Variants in GALK2 observed in about 807,000 individuals in gnomAD.
GALK2 encodes the protein galactokinase 2.
A neutral mutation model predicts 52.4 loss-of-function variants in GALK2; 36 were observed. The ratio of observed to expected loss-of-function variants is 0.69; its 90% CI spans 0.53 to 0.91. GALK2 has a LOEUF of 0.91. Among genes scored for constraint, GALK2 ranks in the 40% least tolerant of loss-of-function variants. The probability of loss-of-function intolerance (pLI) is 0.00; values close to 1 mark genes in which losing one functional copy is unlikely to be tolerated. For missense variants in GALK2, 579 were observed against 559.1 expected (o/e 1.04, Z -0.36); for synonymous variants, 176 against 199.1 (o/e 0.88, Z 0.98).
chr15:49,171,381 C>T (rs530048098), intron 1 of GALK2, among the ~76,000 whole-genome samples: 17 of 152,072 alleles, frequency 1.1e-4, no homozygotes, highest in African/African-American at 4.1e-4. Context: ...CGCGCCCGGC[C>T]CTCTGCCTTT....
intron 8 of GALK2, among the ~76,000 whole-genome samples, chr15:49,295,585 C>T (rs1173376240): frequency 6.6e-6 from 1 of 152,100 alleles, no homozygotes; most frequent in Non-Finnish European, 1.5e-5. Context: ...TTACCATTAC[C>T]TAATTGCCTG....
At chr15:49,243,046 C>T (rs945777377) in intron 5 of GALK2, among the ~76,000 whole-genome samples, 3 of 152,074 alleles carry the variant, frequency 2.0e-5, no homozygotes, top group Non-Finnish European at 4.4e-5. Flanking sequence ...CAAGTGCCTG[C>T]GGAGGGAGTT....
At chr15:49,174,731 ATATT>A (rs1416581253) in intron 1 of GALK2, among the ~76,000 whole-genome samples, 2 of 152,080 alleles carry the variant, frequency 1.3e-5, no homozygotes, top group Non-Finnish European at 2.9e-5. Context: ...TATTCTATAT[ATATT>A]ATAAATATAG....
chr15:49,213,688 T>C (rs2089129902), intron 2 of GALK2, among the ~76,000 whole-genome samples: 1 of 152,240 alleles, frequency 6.6e-6, no homozygotes, highest in African/African-American at 2.4e-5. Flanking sequence ...TTCGATGTTA[T>C]AGTTATAAGG....
At chr15:49,305,614 C>T (rs1443827649) in intron 8 of GALK2, among the ~76,000 whole-genome samples, 1 of 152,038 alleles carries the variant, frequency 6.6e-6, no homozygotes, top group East Asian at 1.9e-4. Context: ...TAAAATGTTC[C>T]AAGAAGAAGC....
rs1448758088 is a variant in GALK2 at position 49,329,343 on chromosome 15, G to A, written c.*1184G>A. The stretch of plus-strand genomic sequence containing the variant: ...ACTTTCTGAATTATGTAATGATTTG[G>A]ACCAAAAAGTATTTTGCTGAAATAC... On this transcript the variant is annotated 3_prime_UTR_variant, in exon 10 of 10. Transcript: ENST00000560031. 12 of 985,154 alleles carry A rather than the reference G, an allele frequency of 1.2e-5. No individual in the cohort carries two copies. The highest frequency in any genetic ancestry group is 1.4e-5 in the Non-Finnish European group (12 of 829,892). The allele number at this position is 985,154 out of a possible 1,614,324, so 61.0% of individuals were successfully genotyped here.
At chr15:49,183,334 A>G (rs2086111155) in intron 1 of GALK2, among the ~76,000 whole-genome samples, 1 of 152,110 alleles carries the variant, frequency 6.6e-6, no homozygotes. Context: ...CCATCACTGT[A>G]ACCCAAAGGT....
At chr15:49,333,152 AT>A (rs1205293390), downstream of GALK2, among the ~76,000 whole-genome samples, 1 of 152,124 alleles carries the variant, frequency 6.6e-6, no homozygotes, top group East Asian at 1.9e-4. Flanking sequence ...TTTAAAAAAA[AT>A]TAAGTTTTAT....
chr15:49,312,801 G>A (rs994818357), intron 8 of GALK2, among the ~76,000 whole-genome samples: 4 of 152,132 alleles, frequency 2.6e-5, no homozygotes, highest in African/African-American at 9.7e-5. Flanking sequence ...ACATATGTCT[G>A]GGGAACAGAA....
exon 4 of GALK2, chr15:49,367,612 T>G: frequency 6.5e-7 from 1 of 1,540,548 alleles, no homozygotes; most frequent in Non-Finnish European, 8.6e-7. Flanking sequence ...AGTGCGACTG[T>G]AAGAGGAAGA....
chr15:49,267,050 A>G (rs2092386210), intron 5 of GALK2, among the ~76,000 whole-genome samples: 1 of 152,174 alleles, frequency 6.6e-6, no homozygotes, highest in African/African-American at 2.4e-5. Context: ...AAAGGGGTAA[A>G]GGGTGTTAAA....
intron 1 of GALK2, among the ~76,000 whole-genome samples, chr15:49,193,314 A>G (rs7497335): frequency 0.25 from 38,017 of 150,474 alleles, 5,935 homozygotes; most frequent in Non-Finnish European, 0.35. Context: ...TACCTTTTAC[A>G]CATTTTTCTA....
chr15:49,335,610 G>A (rs1032122346), downstream of GALK2: 12 of 665,242 alleles, frequency 1.8e-5, 1 homozygote, highest in African/African-American at 1.8e-4. Flanking sequence ...CAGTAATGAA[G>A]AGTCTCAAGT....
intron 5 of GALK2, among the ~76,000 whole-genome samples, chr15:49,280,688 T>A (rs2032559812): frequency 6.6e-6 from 1 of 152,082 alleles, no homozygotes; most frequent in Non-Finnish European, 1.5e-5. Context: ...GAATAAAGTC[T>A]TACAATAAAT....
Position 49,187,790 on chromosome 15 carries a change from C to CT in GALK2, c.54-13370dup, listed in dbSNP as rs1441991487. ...GTTTACCCAAGGGCTCTTCTGTCAG[C>CT]TTGTAGTACATGCTCCTGGGCCTGG... On this transcript the variant is annotated intron_variant, in intron 1 of 9. Coordinates refer to ENST00000560031, the MANE Select transcript of GALK2 (RefSeq NM_002044.4). Among the ~76,000 whole-genome samples, 5 of 152,212 alleles carry CT rather than the reference C, an allele frequency of 3.3e-5. No homozygotes were observed. The East Asian group carries it at 9.7e-4, about 29-fold the overall frequency.
chr15:49,271,093 A>G (rs1252667442), intron 5 of GALK2, among the ~76,000 whole-genome samples: 1 of 152,112 alleles, frequency 6.6e-6, no homozygotes, highest in Non-Finnish European at 1.5e-5. Flanking sequence ...CCCATCCATT[A>G]TTATCATTAT....
intron 5 of GALK2, among the ~76,000 whole-genome samples, chr15:49,266,116 T>C (rs2092351642): frequency 6.6e-6 from 1 of 152,178 alleles, no homozygotes; most frequent in Non-Finnish European, 1.5e-5. Flanking sequence ...TGGCTGGCTG[T>C]CAGCCGACAT....
chr15:49,346,237 GGCCTGC>G (rs938896853), intron 3 of GALK2, among the ~76,000 whole-genome samples: 1 of 152,080 alleles, frequency 6.6e-6, no homozygotes, highest in Admixed American at 6.5e-5. Flanking sequence ...CCTTGAGCTG[GGCCTGC>G]GCAAGTGCGC....
At position 49,272,421 on chromosome 15, in the gene GALK2, T is replaced by C. The variant is rs113753801; in HGVS notation, c.505-9566T>C. Among the ~76,000 whole-genome samples, 974 of 152,312 alleles carry C rather than the reference T, an allele frequency of 6.4e-3. 17 individuals carry two copies. The highest frequency in any genetic ancestry group is 0.022 in the African/African-American group (934 of 41,562). On this transcript the variant is annotated intron_variant, in intron 5 of 9. Coordinates refer to ENST00000560031, the MANE Select transcript of GALK2 (RefSeq NM_002044.4). ...AAATCATTTAAAGAGCTGTTTCAGA[T>C]TTAATATGCATGCAGATCACCTGGG...
Sources: allele counts gnomAD v4.1 joint callset (sites outside exome capture counted in the v4.1 genomes callset), GRCh38; gene constraint gnomAD v4.1.1; transcripts MANE v1.5; gene names NCBI Gene and HGNC (gene_info 2026-07-23, HGNC 2026-07-21).